Variants in RNF150 observed in about 807,000 individuals in gnomAD.
The protein encoded by RNF150 is ring finger protein 150.
RNF150 carries 24 observed loss-of-function variants against 39.3 expected under a neutral mutation model. The observed-to-expected ratio is 0.61, with a 90% CI of 0.44 to 0.86. The LOEUF (loss-of-function observed/expected upper bound fraction) is 0.86. Among genes scored for constraint, RNF150 ranks in the 40% least tolerant of loss-of-function variants. RNF150 has a pLI of 0.00. For synonymous variants in RNF150, 255 were observed against 227.3 expected (o/e 1.12, Z -1.10); for missense variants, 502 against 587.8 (o/e 0.85, Z 1.51).
intron 6 of RNF150, among the ~76,000 whole-genome samples, chr4:140,903,641 T>C (rs963413484): frequency 6.6e-6 from 1 of 152,196 alleles, no homozygotes; most frequent in African/African-American, 2.4e-5. Context: ...CTGGTAACAG[T>C]TGCTGAGCCA....
Position 141,132,166 on chromosome 4 carries a change from C to A in RNF150, c.484+159G>T, listed in dbSNP as rs981026553. 9.2e-5 allele frequency among the ~76,000 whole-genome samples: 14 copies of A among 152,208 alleles called. No homozygotes were observed. Among genetic ancestry groups the A allele is most frequent in the Non-Finnish European group, 1.5e-5 (1 of 68,036 alleles). ...TAATCTTCTCCTCTTTGTAAACCCCCCAAGTGACGCGGAGCAAAACTTAAT... is the reference window on the plus strand; with the variant it reads ...TAATCTTCTCCTCTTTGTAAACCCCACAAGTGACGCGGAGCAAAACTTAAT... On this transcript the variant is annotated intron_variant, in intron 1 of 6. Coordinates refer to ENST00000515673, the MANE Select transcript of RNF150 (RefSeq NM_020724.2). This position sits in a 1 kb window ranked among gnomAD's most constrained non-coding sequence, Gnocchi z 4.9.
At chr4:140,879,202 C>G (rs1330968480) in intron 6 of RNF150, among the ~76,000 whole-genome samples, 2 of 152,128 alleles carry the variant, frequency 1.3e-5, no homozygotes, top group Admixed American at 1.3e-4. Flanking sequence ...TCTTCTTTCT[C>G]ATGATTGTTT....
intron 6 of RNF150, among the ~76,000 whole-genome samples, chr4:140,899,974 C>CTCTCTCTGTGTGTGTGTGTGTG (rs1365683071): frequency 1.3e-4 from 9 of 69,216 alleles, no homozygotes; most frequent in African/African-American, 3.4e-4. Flanking sequence ...CTCTCTCTCT[C>CTCTCTCTGTGTGTGTGTGTGTG]TGTGTGTGTG....
intron 1 of RNF150, among the ~76,000 whole-genome samples, chr4:141,199,097 A>G (rs781304163): frequency 7.9e-5 from 12 of 152,350 alleles, no homozygotes; most frequent in Non-Finnish European, 1.8e-4. Context: ...AGAAGTATGA[A>G]TAGCAAACAA....
At chr4:141,014,251 C>G (rs1735179590) in intron 1 of RNF150, among the ~76,000 whole-genome samples, 1 of 152,130 alleles carries the variant, frequency 6.6e-6, no homozygotes, top group Admixed American at 6.6e-5. Context: ...CTGGTGGACA[C>G]TTAGATTGTT....
intron 1 of RNF150, among the ~76,000 whole-genome samples, chr4:141,021,399 A>T (rs1007356433): frequency 1.3e-5 from 2 of 152,174 alleles, no homozygotes; most frequent in African/African-American, 4.8e-5. Flanking sequence ...ACACTTTTTC[A>T]TCCCTGTAGT....
chr4:141,048,197 G>A (rs570931754), intron 1 of RNF150, among the ~76,000 whole-genome samples: 3 of 152,316 alleles, frequency 2.0e-5, no homozygotes, highest in Admixed American at 2.0e-4. Context: ...GTAAAATACT[G>A]TTTGCTGTAA....
At chr4:141,017,597 A>C (rs1390943453) in intron 1 of RNF150, among the ~76,000 whole-genome samples, 5 of 152,156 alleles carry the variant, frequency 3.3e-5, no homozygotes, top group Non-Finnish European at 7.4e-5. Flanking sequence ...TATATTTACC[A>C]TTTATCATAT....
intron 2 of RNF150, among the ~76,000 whole-genome samples, chr4:140,955,921 A>G (rs937220757): frequency 1.5e-4 from 23 of 152,232 alleles, no homozygotes; most frequent in African/African-American, 4.8e-4. Flanking sequence ...GTACATGTAA[A>G]TATTAGGAAA....
intron 1 of RNF150, among the ~76,000 whole-genome samples, chr4:141,210,421 T>C (rs1230086753): frequency 6.6e-6 from 1 of 152,052 alleles, no homozygotes; most frequent in East Asian, 1.9e-4. Context: ...TGACGTTGAT[T>C]TTGCCCTCAG....
chr4:140,887,340 G>A lies in RNF150; in HGVS notation c.1199-18961C>T, dbSNP rs547584189. Among the ~76,000 whole-genome samples the A allele has an allele frequency of 1.1e-4, 16 of 152,164 alleles. No homozygotes were observed. The East Asian group carries it at 1.2e-3, about 11-fold the overall frequency. ...AAATACACATGCATATAAACATAAC[G>A]CACAATGCTACGCAGTATGTGCACT... is the stretch of plus-strand genomic sequence containing the variant. On this transcript the variant is annotated intron_variant, in intron 6 of 6. Coordinates refer to ENST00000515673, the MANE Select transcript of RNF150 (RefSeq NM_020724.2).
chr4:140,987,901 A>AT (rs1485097831), intron 1 of RNF150, among the ~76,000 whole-genome samples: 1 of 152,176 alleles, frequency 6.6e-6, no homozygotes, highest in Non-Finnish European at 1.5e-5. Context: ...AGGAACTTAA[A>AT]TAATTGAACA....
intron 1 of RNF150, among the ~76,000 whole-genome samples, chr4:141,099,423 AAAGAG>A (rs1738924288): frequency 6.6e-6 from 1 of 152,108 alleles, no homozygotes; most frequent in South Asian, 2.1e-4. Flanking sequence ...GCAGAAAAAG[AAAGAG>A]AAGAGACAGG....
At chr4:141,198,426 T>C (rs777583761) in intron 1 of RNF150, among the ~76,000 whole-genome samples, 5 of 152,252 alleles carry the variant, frequency 3.3e-5, no homozygotes, top group Non-Finnish European at 5.9e-5. Context: ...TCAGTTTGTC[T>C]AAAGTGTTTA....
At chr4:140,991,838 T>C (rs955210063) in intron 1 of RNF150, among the ~76,000 whole-genome samples, 1 of 152,296 alleles carries the variant, frequency 6.6e-6, no homozygotes, top group South Asian at 2.1e-4. Flanking sequence ...AGTGTAATGA[T>C]AGAACAATTA....
chr4:140,955,036 G>A (rs1341679878), intron 2 of RNF150, among the ~76,000 whole-genome samples: 3 of 152,106 alleles, frequency 2.0e-5, no homozygotes, highest in African/African-American at 7.2e-5. Context: ...GGTGAAGGGA[G>A]GCCACTGTCA....
chr4:141,073,881 G>A (rs1737796795), intron 1 of RNF150, among the ~76,000 whole-genome samples: 1 of 152,010 alleles, frequency 6.6e-6, no homozygotes, highest in Admixed American at 6.6e-5. Context: ...TCTGGGGAAT[G>A]GACTGGGGAG....
chr4:140,967,115 T>C (rs1733270941), intron 2 of RNF150, among the ~76,000 whole-genome samples: 1 of 152,126 alleles, frequency 6.6e-6, no homozygotes, highest in South Asian at 2.1e-4. Context: ...GTGCATAGAA[T>C]ATCCCTGGAA....
At chr4:141,016,390 C>A (rs773650482) in intron 1 of RNF150, among the ~76,000 whole-genome samples, 1 of 152,192 alleles carries the variant, frequency 6.6e-6, no homozygotes, top group Non-Finnish European at 1.5e-5. Context: ...AACACCAGTA[C>A]ATTTTCTGGC....
Sources: gnomAD v4.1 joint callset for allele counts (sites outside exome capture counted in the v4.1 genomes callset) on GRCh38, gnomAD v4.1.1 for gene constraint, Gnocchi (gnomAD v3.1) non-coding constraint, MANE v1.5 for transcripts, NCBI Gene and HGNC (gene_info 2026-07-23, HGNC 2026-07-21) for gene names.